The following CCDC170 variants were observed in gnomAD, a reference collection of about 807,000 sequenced individuals.
CCDC170 encodes the protein coiled-coil domain-containing protein 170.
Under a neutral mutation model 72.6 loss-of-function variants are expected in CCDC170, and 69 were observed. That is an observed-to-expected ratio of 0.95 (90% confidence interval 0.78 to 1.16). The LOEUF (loss-of-function observed/expected upper bound fraction) is 1.16. Ranked by LOEUF, CCDC170 falls within the 50% of genes most tolerant of loss-of-function variation. The pLI is 0.00. For synonymous variants in CCDC170, 300 were observed against 303.9 expected (o/e 0.99, Z 0.13); for missense variants, 852 against 832.5 (o/e 1.02, Z -0.29).
intron 5 of CCDC170, among the ~76,000 whole-genome samples, chr6:151,565,169 G>A (rs1051980822): frequency 1.3e-5 from 2 of 152,216 alleles, no homozygotes; most frequent in African/African-American, 2.4e-5. Flanking sequence ...GTGGGGTATG[G>A]CAGTGGGGCT....
At chr6:151,523,153 C>T (rs1014485281) in intron 1 of CCDC170, among the ~76,000 whole-genome samples, 3 of 152,118 alleles carry the variant, frequency 2.0e-5, no homozygotes, top group Non-Finnish European at 4.4e-5. Flanking sequence ...ACTGTGGAGG[C>T]TCTGTTGCTC....
intron 1 of CCDC170, among the ~76,000 whole-genome samples, chr6:151,505,332 T>C (rs2115020964): frequency 6.6e-6 from 1 of 152,210 alleles, no homozygotes; most frequent in South Asian, 2.1e-4. Context: ...GTGGCACACA[T>C]TCCCTTTCAG....
intron 1 of CCDC170, among the ~76,000 whole-genome samples, chr6:151,495,462 C>CT (rs528186005): frequency 6.6e-6 from 1 of 151,850 alleles, no homozygotes; most frequent in African/African-American, 2.4e-5. Context: ...TTTCTCTCTC[C>CT]TTTTTTTCTC....
chr6:151,545,458 G>A (rs1279340401), intron 4 of CCDC170, among the ~76,000 whole-genome samples: 3 of 151,948 alleles, frequency 2.0e-5, no homozygotes, highest in Non-Finnish European at 4.4e-5. Context: ...CTACTTTAAT[G>A]GTAGATTACC....
chr6:151,505,600 C>T (rs1357753007), intron 1 of CCDC170, among the ~76,000 whole-genome samples: 1 of 151,930 alleles, frequency 6.6e-6, no homozygotes, highest in African/African-American at 2.4e-5. Flanking sequence ...AGGAGAATGG[C>T]GTGAACCCGG....
Position 151,592,659 on chromosome 6 carries a change from C to T in CCDC170, c.1294-448C>T, listed in dbSNP as rs150612804. ...ATTATCTTCCACTAGGTCCCTCCCA[C>T]AACATGTGGGAATTATGGGAGCTAC... On this transcript the variant is annotated intron_variant, in intron 7 of 10. Coordinates refer to ENST00000239374, the MANE Select transcript of CCDC170 (RefSeq NM_025059.4). 1.1e-4 allele frequency among the ~76,000 whole-genome samples: 17 copies of T among 152,256 alleles called. No individual in the cohort carries two copies. The East Asian group carries it at 2.3e-3, about 21-fold the overall frequency.
chr6:151,570,469 A>G (rs1776201735), intron 5 of CCDC170, among the ~76,000 whole-genome samples: 2 of 152,370 alleles, frequency 1.3e-5, no homozygotes, highest in South Asian at 2.1e-4. Flanking sequence ...ACAAATAAAA[A>G]CAACACATGA....
chr6:151,554,876 T>C (rs1044505726), intron 5 of CCDC170, among the ~76,000 whole-genome samples: 1 of 138,958 alleles, frequency 7.2e-6, no homozygotes. Flanking sequence ...ACCTCAGTTT[T>C]TTTTTTTTTT....
intron 6 of CCDC170, among the ~76,000 whole-genome samples, chr6:151,578,015 C>T (rs1382323021): frequency 2.0e-5 from 3 of 152,176 alleles, no homozygotes; most frequent in African/African-American, 7.2e-5. Context: ...CCATTCTGAT[C>T]TCAGAGCCCG....
chr6:151,556,111 T>C (rs1356024606), intron 5 of CCDC170, among the ~76,000 whole-genome samples: 1 of 152,188 alleles, frequency 6.6e-6, no homozygotes, highest in Non-Finnish European at 1.5e-5. Context: ...TTTATAAGAC[T>C]CCTACAAAAT....
intron 1 of CCDC170, among the ~76,000 whole-genome samples, chr6:151,531,035 G>T (rs769205407): frequency 2.0e-5 from 3 of 152,082 alleles, no homozygotes; most frequent in Non-Finnish European, 2.9e-5. Flanking sequence ...TAAAAAATTT[G>T]TTGTCATCTG....
At chr6:151,505,716 C>A (rs1782058322) in intron 1 of CCDC170, among the ~76,000 whole-genome samples, 1 of 152,072 alleles carries the variant, frequency 6.6e-6, no homozygotes, top group Non-Finnish European at 1.5e-5. Flanking sequence ...TGTGCTGTGA[C>A]TCCTCAAGGC....
At chr6:151,553,022 A>G (rs1314867579) in intron 5 of CCDC170, among the ~76,000 whole-genome samples, 1 of 151,914 alleles carries the variant, frequency 6.6e-6, no homozygotes, top group Non-Finnish European at 1.5e-5. Context: ...CCTGACTTCA[A>G]GTGATCCACC....
chr6:151,544,323 G>A (rs1407947731), intron 3 of CCDC170, among the ~76,000 whole-genome samples: 1 of 152,072 alleles, frequency 6.6e-6, no homozygotes, highest in Non-Finnish European at 1.5e-5. Flanking sequence ...CTGTTACTAA[G>A]TCCACAATGC....
chr6:151,591,422 T>C (rs1367277675), intron 7 of CCDC170, among the ~76,000 whole-genome samples: 1 of 152,012 alleles, frequency 6.6e-6, no homozygotes, highest in African/African-American at 2.4e-5. Context: ...TGTAGACTGC[T>C]AAAATATGAA....
At chr6:151,503,915 CA>C (rs1265591463) in intron 1 of CCDC170, among the ~76,000 whole-genome samples, 2 of 151,668 alleles carry the variant, frequency 1.3e-5, no homozygotes, top group Non-Finnish European at 2.9e-5. Context: ...TGCCAGAAGA[CA>C]AAAAAAGGCT....
intron 1 of CCDC170, among the ~76,000 whole-genome samples, chr6:151,508,619 A>G (rs1470844121): frequency 6.6e-6 from 1 of 152,144 alleles, no homozygotes; most frequent in Non-Finnish European, 1.5e-5. Context: ...AGGCTGAAGC[A>G]CAAGAATTGC....
In CCDC170 at chr6:151,596,888, G is replaced by A. The variant is rs4524618; in HGVS notation, c.1710+311G>A. On this transcript the variant is annotated intron_variant, in intron 9 of 10. Transcript: ENST00000239374. ...GTTGCCCAGGCTAGAGTGCAATGAC[G>A]TGATCTTGGCTCACCACAACCTCCT... Among the ~76,000 whole-genome samples the A allele has an allele frequency of 0.032, 4,815 of 151,836 alleles. 453 individuals carry two copies. In the East Asian group the frequency reaches 0.35, roughly 11 times the overall value.
rs374226069 is a variant in CCDC170, at chr6:151,585,836, A to C, written c.1093-53A>C. ...CTTAGGCAGAGCAGTAGATGTGAACACTTCCTTGCATCTGAAACAAGGCTT... is the reference window on the plus strand; with the variant it reads ...CTTAGGCAGAGCAGTAGATGTGAACCCTTCCTTGCATCTGAAACAAGGCTT... On this transcript the variant is annotated intron_variant, in intron 6 of 10. Transcript: ENST00000239374. 12 of 1,550,546 alleles carry C rather than the reference A, an allele frequency of 7.7e-6. No homozygotes were observed. In the Admixed American group the frequency reaches 1.1e-4, roughly 14 times the overall value.
Sources: allele counts gnomAD v4.1 joint callset (sites outside exome capture counted in the v4.1 genomes callset), GRCh38; gene constraint gnomAD v4.1.1; transcripts MANE v1.5; gene names NCBI Gene and HGNC (gene_info 2026-07-23, HGNC 2026-07-21).